CSMD1: variants seen among roughly 807,000 people sequenced by gnomAD.
The protein encoded by CSMD1 is CUB and Sushi multiple domains 1, also known as CUB and sushi domain-containing protein 1.
In CSMD1, 213 loss-of-function variants were observed where a neutral mutation model predicts 417.5. That is an observed-to-expected ratio of 0.51 (90% CI 0.46 to 0.57). CSMD1 has a LOEUF of 0.57. CSMD1 is among the 20% of genes least tolerant of loss of function. CSMD1 has a pLI of 0.00. For missense variants in CSMD1, 6,923 were observed against 4,529.7 expected, an observed-to-expected ratio of 1.53 and a Z score of -15.17; for synonymous variants, 2,862 against 1,736.8, an observed-to-expected ratio of 1.65 and a Z score of -16.11.
chr8:3,300,371 C>A (rs1358082803), intron 25 of CSMD1, among the ~76,000 whole-genome samples: 1 of 146,924 alleles, frequency 6.8e-6, no homozygotes. Flanking sequence ...GTTTTTTTTT[C>A]TGCAGCACTT....
At chr8:4,717,563 T>TATCTATCC (rs765602082) in intron 1 of CSMD1, among the ~76,000 whole-genome samples, 31,683 of 136,000 alleles carry the variant, frequency 0.23, 3,612 homozygotes, top group Middle Eastern at 0.34. Context: ...TCTATCTATC[T>TATCTATCC]ATCCATCCAT....
At chr8:4,066,377 C>T (rs543128089) in intron 3 of CSMD1, among the ~76,000 whole-genome samples, 13 of 152,250 alleles carry the variant, frequency 8.5e-5, no homozygotes, top group East Asian at 3.9e-4. Context: ...TCCCACTCAG[C>T]GCAGGGATGT....
chr8:3,582,462 G>A (rs1800423899), intron 9 of CSMD1, among the ~76,000 whole-genome samples: 1 of 152,182 alleles, frequency 6.6e-6, no homozygotes, highest in Non-Finnish European at 1.5e-5. Flanking sequence ...AGGGATGCCA[G>A]CCAGGAAGTG....
chr8:4,295,417 A>G (rs1484166504), intron 3 of CSMD1, among the ~76,000 whole-genome samples: 1 of 144,598 alleles, frequency 6.9e-6, no homozygotes, highest in African/African-American at 2.5e-5. Flanking sequence ...ATCTTATTAT[A>G]CACATATAAT....
intron 6 of CSMD1, among the ~76,000 whole-genome samples, chr8:3,709,153 A>ATTC (rs1554518198): frequency 2.1e-5 from 3 of 146,214 alleles, no homozygotes; most frequent in Non-Finnish European, 3.0e-5. Flanking sequence ...AAGAAGTTTC[A>ATTC]TTTTTTTTTT....
intron 2 of CSMD1, among the ~76,000 whole-genome samples, chr8:4,517,260 G>C (rs550591113): frequency 1.3e-5 from 2 of 152,164 alleles, no homozygotes; most frequent in African/African-American, 4.8e-5. Flanking sequence ...CATTCAGAGA[G>C]TAATTTTAGA....
At chr8:3,329,142 G>A (rs758814339) in intron 23 of CSMD1, among the ~76,000 whole-genome samples, 3 of 152,140 alleles carry the variant, frequency 2.0e-5, no homozygotes, top group African/African-American at 7.2e-5. Context: ...ATATGTAATT[G>A]AAGGAGAGAG....
At chr8:3,716,637 G>C (rs577127894) in intron 6 of CSMD1, among the ~76,000 whole-genome samples, 28 of 152,226 alleles carry the variant, frequency 1.8e-4, no homozygotes, top group African/African-American at 5.1e-4. Flanking sequence ...CCTGTGTCTT[G>C]TGCTAACCTC....
intron 7 of CSMD1, among the ~76,000 whole-genome samples, chr8:3,639,945 ATATT>A (rs1437245958): frequency 6.6e-6 from 1 of 152,248 alleles, no homozygotes; most frequent in Non-Finnish European, 1.5e-5. Context: ...AGAAGAGAAA[ATATT>A]TATCTTGTTC....
intron 3 of CSMD1, among the ~76,000 whole-genome samples, chr8:4,126,943 C>T (rs1469965289): frequency 6.6e-6 from 1 of 151,936 alleles, no homozygotes; most frequent in Non-Finnish European, 1.5e-5. Flanking sequence ...TGGAAGAGAC[C>T]CTGCAGGTGA....
intron 3 of CSMD1, among the ~76,000 whole-genome samples, chr8:4,414,424 T>A (rs1796815720): frequency 6.6e-6 from 1 of 152,180 alleles, no homozygotes; most frequent in East Asian, 1.9e-4. Flanking sequence ...ATAAAATAAA[T>A]GTTCAATGGA....
intron 7 of CSMD1, among the ~76,000 whole-genome samples, chr8:3,677,888 T>C (rs373347433): frequency 2.6e-5 from 4 of 152,282 alleles, no homozygotes; most frequent in Admixed American, 6.5e-5. Context: ...TTTTTTTCCA[T>C]CATGAAACAC....
intron 12 of CSMD1, among the ~76,000 whole-genome samples, chr8:3,466,217 A>C (rs975218543): frequency 1.3e-5 from 2 of 151,622 alleles, no homozygotes; most frequent in Non-Finnish European, 2.9e-5. Context: ...TTTTTTTTTA[A>C]TGACGAGTCT....
At chr8:3,664,721 T>C (rs773892777) in intron 7 of CSMD1, among the ~76,000 whole-genome samples, 8 of 152,276 alleles carry the variant, frequency 5.3e-5, no homozygotes, top group Non-Finnish European at 1.2e-4. Flanking sequence ...GGATGTTGAA[T>C]AAAAATATCT....
intron 4 of CSMD1, among the ~76,000 whole-genome samples, chr8:4,030,900 C>G (rs11995654): frequency 6.6e-6 from 1 of 152,000 alleles, no homozygotes; most frequent in Non-Finnish European, 1.5e-5. Flanking sequence ...GTTCAAAGTT[C>G]CACAACTCTC....
chr8:3,546,363 C>A lies in CSMD1; in HGVS notation c.1344+28582G>T, dbSNP rs183497597. Among the ~76,000 whole-genome samples, 50 of 151,950 alleles carry A rather than the reference C, an allele frequency of 3.3e-4. No homozygotes were observed. The East Asian group carries it at 7.2e-3, about 22-fold the overall frequency. ...ATCTTGGCAAACATGATGAAATCCCCATCTCTACTAAAAATACAAAAAATT... is the reference window on the plus strand; with the variant it reads ...ATCTTGGCAAACATGATGAAATCCCAATCTCTACTAAAAATACAAAAAATT... On this transcript the variant is annotated intron_variant, in intron 10 of 69. Coordinates refer to ENST00000635120, the MANE Select transcript of CSMD1 (RefSeq NM_033225.6).
chr8:4,228,484 C>T (rs1801503117), intron 3 of CSMD1, among the ~76,000 whole-genome samples: 1 of 152,030 alleles, frequency 6.6e-6, no homozygotes, highest in Non-Finnish European at 1.5e-5. Context: ...CCACTGTATC[C>T]TCCCCCAACT....
At chr8:4,215,819 A>G (rs1453474682) in intron 3 of CSMD1, among the ~76,000 whole-genome samples, 1 of 152,196 alleles carries the variant, frequency 6.6e-6, no homozygotes, top group Non-Finnish European at 1.5e-5. Flanking sequence ...CTAACATTTC[A>G]AAGAACACAG....
intron 25 of CSMD1, among the ~76,000 whole-genome samples, chr8:3,290,935 C>T (rs1051436361): frequency 2.6e-5 from 4 of 152,102 alleles, no homozygotes; most frequent in East Asian, 1.9e-4. Flanking sequence ...CAGTTTTTCC[C>T]ATTCAGTATG....
Sources: allele counts gnomAD v4.1 joint callset (sites outside exome capture counted in the v4.1 genomes callset), GRCh38; gene constraint gnomAD v4.1.1; transcripts MANE v1.5; gene names NCBI Gene and HGNC (gene_info 2026-07-23, HGNC 2026-07-21).